Variants in SMAP1 observed in about 807,000 individuals in gnomAD.
SMAP1 encodes the protein small ArfGAP 1.
A neutral mutation model predicts 58.5 loss-of-function variants in SMAP1; 24 were observed. The observed-to-expected ratio is 0.41, with a 90% confidence interval of 0.30 to 0.58. SMAP1 has a LOEUF of 0.58. Among genes scored for constraint, SMAP1 ranks in the 20% least tolerant of loss-of-function variants. The probability of loss-of-function intolerance (pLI) is 0.29; values close to 1 mark genes in which losing one functional copy is unlikely to be tolerated. For synonymous variants in SMAP1, 216 were observed against 196.6 expected, an observed-to-expected ratio of 1.10 and a Z score of -0.82; for missense variants, 563 against 566.3, an observed-to-expected ratio of 0.99 and a Z score of 0.06.
intron 6 of SMAP1, among the ~76,000 whole-genome samples, chr6:70,832,161 A>G (rs932366329): frequency 2.0e-5 from 3 of 151,850 alleles, no homozygotes; most frequent in Non-Finnish European, 2.9e-5. Context: ...TGAAGATTAG[A>G]CCTTTGTCAG....
chr6:70,742,393 G>A (rs1765852523), intron 2 of SMAP1, among the ~76,000 whole-genome samples: 1 of 152,146 alleles, frequency 6.6e-6, no homozygotes, highest in African/African-American at 2.4e-5. Flanking sequence ...TAGGGCAGGG[G>A]CAAAATGCAG....
intron 4 of SMAP1, among the ~76,000 whole-genome samples, chr6:70,776,573 T>A (rs191526214): frequency 6.6e-6 from 1 of 152,200 alleles, no homozygotes; most frequent in Non-Finnish European, 1.5e-5. Flanking sequence ...TACCCTATAA[T>A]ACTACAGAAC....
intron 4 of SMAP1, among the ~76,000 whole-genome samples, chr6:70,779,517 C>T (rs1767676618): frequency 6.6e-6 from 1 of 152,078 alleles, no homozygotes; most frequent in African/African-American, 2.4e-5. Context: ...TCTTCTGTAG[C>T]TAAGATTGCA....
At chr6:70,670,229 G>A (rs1036899421) in intron 1 of SMAP1, among the ~76,000 whole-genome samples, 13 of 152,212 alleles carry the variant, frequency 8.5e-5, no homozygotes, top group African/African-American at 3.1e-4. Flanking sequence ...AGCTTGAAGG[G>A]CATGAACTCC....
intron 6 of SMAP1, among the ~76,000 whole-genome samples, chr6:70,836,257 G>A (rs1770578965): frequency 6.6e-6 from 1 of 152,180 alleles, no homozygotes; most frequent in African/African-American, 2.4e-5. Context: ...ATGATGGAAG[G>A]CAAGGAAGAG....
At chr6:70,801,196 T>C (rs1768834647) in intron 6 of SMAP1, among the ~76,000 whole-genome samples, 1 of 152,220 alleles carries the variant, frequency 6.6e-6, no homozygotes, top group South Asian at 2.1e-4. Flanking sequence ...CCTGACTTTT[T>C]TAATGATCGC....
intron 2 of SMAP1, among the ~76,000 whole-genome samples, chr6:70,751,744 G>A (rs1345512773): frequency 6.6e-6 from 1 of 152,128 alleles, no homozygotes; most frequent in Non-Finnish European, 1.5e-5. Flanking sequence ...GTTTCAAAAT[G>A]ATGCTAAGTA....
intron 5 of SMAP1, among the ~76,000 whole-genome samples, chr6:70,795,079 A>G (rs1012269125): frequency 1.3e-5 from 2 of 152,042 alleles, no homozygotes; most frequent in African/African-American, 2.4e-5. Flanking sequence ...GTTGTTTCCA[A>G]GTCTTTGCTA....
chr6:70,687,464 A>T (rs1766980809), intron 1 of SMAP1, among the ~76,000 whole-genome samples: 1 of 152,126 alleles, frequency 6.6e-6, no homozygotes, highest in South Asian at 2.1e-4. Context: ...AATGTAGGGC[A>T]TTGAGTATTT....
At chr6:70,794,566 C>T (rs920228189) in intron 5 of SMAP1, among the ~76,000 whole-genome samples, 3 of 152,122 alleles carry the variant, frequency 2.0e-5, no homozygotes, top group South Asian at 2.1e-4. Flanking sequence ...CACCACCCCA[C>T]GACAGGCACC....
At chr6:70,710,226 C>T (rs1027608385) in intron 1 of SMAP1, among the ~76,000 whole-genome samples, 28 of 152,078 alleles carry the variant, frequency 1.8e-4, no homozygotes, top group Admixed American at 5.2e-4. Context: ...GGTGTGGTAG[C>T]TCACGCCTGT....
chr6:70,769,451 A>G (rs1348570127), intron 3 of SMAP1, among the ~76,000 whole-genome samples: 1 of 152,118 alleles, frequency 6.6e-6, no homozygotes, highest in Non-Finnish European at 1.5e-5. Context: ...TTGGGTGCAT[A>G]TATATTTAGG....
chr6:70,799,494 C>G (rs947327111), intron 6 of SMAP1, among the ~76,000 whole-genome samples: 1 of 152,068 alleles, frequency 6.6e-6, no homozygotes, highest in African/African-American at 2.4e-5. Context: ...GGTGGCTTGG[C>G]TTTGAATGCA....
intron 2 of SMAP1, among the ~76,000 whole-genome samples, chr6:70,745,765 A>C (rs891331590): frequency 6.6e-6 from 1 of 152,220 alleles, no homozygotes; most frequent in Non-Finnish European, 1.5e-5. Context: ...TACCTTGGGC[A>C]GTATGGCCAT....
intron 6 of SMAP1, among the ~76,000 whole-genome samples, chr6:70,814,162 A>G (rs974504773): frequency 1.3e-5 from 2 of 152,104 alleles, no homozygotes; most frequent in African/African-American, 4.8e-5. Context: ...TGTCTTTTAC[A>G]GTTGCCTCTT....
At chr6:70,819,845 T>C (rs1208485714) in intron 6 of SMAP1, among the ~76,000 whole-genome samples, 1 of 152,244 alleles carries the variant, frequency 6.6e-6, no homozygotes, top group African/African-American at 2.4e-5. Flanking sequence ...AGTAATATGC[T>C]TCTACTTCAG....
chr6:70,852,395 C>T (rs901766248), intron 7 of SMAP1, 145 bp from the exon 8 acceptor site: 96 of 705,924 alleles, frequency 1.4e-4, no homozygotes, highest in Non-Finnish European at 1.6e-4. Context: ...GAAAGGGGAT[C>T]GGGGGTAGGT....
chr6:70,857,756 G>C (rs1019058557), intron 9 of SMAP1, 166 bp from the exon 10 acceptor site: 2 of 632,780 alleles, frequency 3.2e-6, no homozygotes, highest in Admixed American at 6.0e-5. Flanking sequence ...GAAACAACCA[G>C]CTCTCAGGGT....
At chr6:70,833,148 T>C (rs1770432603) in intron 6 of SMAP1, among the ~76,000 whole-genome samples, 1 of 152,206 alleles carries the variant, frequency 6.6e-6, no homozygotes, top group South Asian at 2.1e-4. Flanking sequence ...TCTAGAATTT[T>C]AGAAGGATTC....
Sources: gnomAD v4.1 joint callset for allele counts (sites outside exome capture counted in the v4.1 genomes callset) on GRCh38, gnomAD v4.1.1 for gene constraint, MANE v1.5 for transcripts, NCBI Gene and HGNC (gene_info 2026-07-23, HGNC 2026-07-21) for gene names.